The following PAM variants were observed in gnomAD, a reference collection of about 807,000 sequenced individuals.
The protein encoded by PAM is peptidylglycine alpha-amidating monooxygenase, also known as peptidyl-glycine alpha-amidating monooxygenase.
A neutral mutation model predicts 122.1 loss-of-function variants in PAM; 72 were observed. The observed-to-expected ratio is 0.59, with a 90% CI of 0.49 to 0.72. PAM has a LOEUF of 0.72. PAM is among the 30% of genes least tolerant of loss of function. PAM has a pLI of 0.00. For missense variants in PAM, 1,106 were observed against 1,183.7 expected (o/e 0.93, Z 0.96); for synonymous variants, 389 against 404.4 (o/e 0.96, Z 0.46).
At chr5:102,879,876 A>T (rs1790416537) in intron 3 of PAM, among the ~76,000 whole-genome samples, 1 of 152,150 alleles carries the variant, frequency 6.6e-6, no homozygotes, top group Non-Finnish European at 1.5e-5. Flanking sequence ...ATACCATATA[A>T]CCTAGGTGTG....
chr5:102,777,753 A>T (rs1757560262), intron 1 of PAM, among the ~76,000 whole-genome samples: 1 of 152,010 alleles, frequency 6.6e-6, no homozygotes, highest in African/African-American at 2.4e-5. Context: ...GAGGTATTTT[A>T]TTTCCCCCCA....
intron 3 of PAM, among the ~76,000 whole-genome samples, chr5:102,885,369 C>T (rs2151193675): frequency 6.6e-6 from 1 of 151,274 alleles, no homozygotes; most frequent in Non-Finnish European, 1.5e-5. Context: ...AATATTTAGC[C>T]TCCTCATTTT....
chr5:102,768,187 A>C (rs1032166338), intron 1 of PAM, among the ~76,000 whole-genome samples: 1 of 152,080 alleles, frequency 6.6e-6, no homozygotes, highest in Admixed American at 6.6e-5. Flanking sequence ...TGTCTTTTAA[A>C]AATTTTTCTA....
At chr5:103,001,354 T>TTAAA (rs1451608051) in intron 16 of PAM, among the ~76,000 whole-genome samples, 1 of 152,132 alleles carries the variant, frequency 6.6e-6, no homozygotes, top group Non-Finnish European at 1.5e-5. Flanking sequence ...ACTATGAGTA[T>TTAAA]TCTTACATTG....
intron 4 of PAM, among the ~76,000 whole-genome samples, chr5:102,910,630 G>A (rs1003074948): frequency 2.0e-5 from 3 of 151,634 alleles, no homozygotes; most frequent in Non-Finnish European, 2.9e-5. Flanking sequence ...TAATCTTACC[G>A]GATATAATAT....
At chr5:102,816,218 A>G (rs1400989034) in intron 1 of PAM, among the ~76,000 whole-genome samples, 1 of 152,148 alleles carries the variant, frequency 6.6e-6, no homozygotes, top group Non-Finnish European at 1.5e-5. Context: ...ATGTTAATCC[A>G]ATAGTTTAAG....
chr5:102,877,376 G>T (rs1789578080), intron 3 of PAM, among the ~76,000 whole-genome samples: 1 of 152,202 alleles, frequency 6.6e-6, no homozygotes, highest in Non-Finnish European at 1.5e-5. Flanking sequence ...GGAATAAAGA[G>T]AGTAATTGCA....
intron 1 of PAM, among the ~76,000 whole-genome samples, chr5:102,834,314 T>G (rs995027483): frequency 6.6e-6 from 1 of 152,198 alleles, no homozygotes; most frequent in Non-Finnish European, 1.5e-5. Flanking sequence ...ACAGGTAGCT[T>G]GTCCATGTCA....
chr5:102,815,028 C>A (rs549531246), intron 1 of PAM, among the ~76,000 whole-genome samples: 1 of 151,988 alleles, frequency 6.6e-6, no homozygotes, highest in Non-Finnish European at 1.5e-5. Flanking sequence ...TACTTTTATT[C>A]CTCTATCTTC....
chr5:102,819,969 T>C (rs1195114881), intron 1 of PAM, among the ~76,000 whole-genome samples: 1 of 152,218 alleles, frequency 6.6e-6, no homozygotes, highest in Non-Finnish European at 1.5e-5. Context: ...CATCGCATGA[T>C]ACTTTAAGTA....
Position 102,949,537 on chromosome 5 carries a change from TG to T in PAM, c.646del (p.Val216Ter). 6.8e-7 allele frequency: 1 copy of T among 1,462,434 alleles called. No individual in the cohort carries two copies. 90.6% of individuals were successfully genotyped at this position (1,462,434 alleles called of 1,614,324 possible). A position where few individuals can be genotyped will look rare whatever the true frequency, so the allele number is the denominator to read the frequency against. Reference protein sequence around the residue: ...VDTVIPAGEKVVNSDISCHYK... With the variant: ...VDTVIPAGEKXVNSDISCHYK... ...TTGTCTGTGTTTTCATTTCCCACAG[TG>T]GTGAATTCTGACATTTCATGCCATT... On this transcript the variant is annotated frameshift_variant and splice_region_variant, in exon 10 of 26. Coordinates refer to ENST00000438793, the MANE Select transcript of PAM (RefSeq NM_001177306.2). LOFTEE classifies it high-confidence loss of function.
At chr5:102,878,269 G>A (rs1489785287) in intron 3 of PAM, among the ~76,000 whole-genome samples, 1 of 152,020 alleles carries the variant, frequency 6.6e-6, no homozygotes, top group South Asian at 2.1e-4. Context: ...TTATAATGGA[G>A]CTGAAAAAGT....
At chr5:102,843,882 T>C (rs1288687278) in intron 1 of PAM, among the ~76,000 whole-genome samples, 1 of 152,120 alleles carries the variant, frequency 6.6e-6, no homozygotes, top group Non-Finnish European at 1.5e-5. Flanking sequence ...TACAGAGAAA[T>C]GGTTCACTCA....
chr5:102,840,500 A>G (rs887562478), intron 1 of PAM, among the ~76,000 whole-genome samples: 2 of 152,208 alleles, frequency 1.3e-5, no homozygotes, highest in Non-Finnish European at 2.9e-5. Flanking sequence ...TTACTGGTAT[A>G]TAGATTATGT....
intron 16 of PAM, among the ~76,000 whole-genome samples, chr5:102,999,158 T>C (rs988044254): frequency 3.3e-5 from 5 of 152,158 alleles, no homozygotes; most frequent in Non-Finnish European, 5.9e-5. Context: ...TCAATTACTT[T>C]CTACCAGGTC....
At chr5:102,896,881 G>T (rs1181011265) in intron 3 of PAM, among the ~76,000 whole-genome samples, 1 of 151,512 alleles carries the variant, frequency 6.6e-6, no homozygotes, top group Non-Finnish European at 1.5e-5. Flanking sequence ...AATCTTTTAT[G>T]CTTTGGTATA....
At chr5:102,974,716 A>T in intron 15 of PAM, 1 of 274,250 alleles carries the variant, frequency 3.6e-6, no homozygotes, top group Non-Finnish European at 6.8e-6. Flanking sequence ...GAAAGGAGGC[A>T]TATGAAATTC....
At chr5:102,988,431 T>C (rs1227814080) in intron 15 of PAM, among the ~76,000 whole-genome samples, 1 of 152,186 alleles carries the variant, frequency 6.6e-6, no homozygotes, top group Non-Finnish European at 1.5e-5. Flanking sequence ...AACATTTTAT[T>C]CTGTCATATT....
At chr5:102,803,719 T>A (rs1765492435) in intron 1 of PAM, among the ~76,000 whole-genome samples, 1 of 152,186 alleles carries the variant, frequency 6.6e-6, no homozygotes, top group African/African-American at 2.4e-5. Context: ...TTAAGCACCT[T>A]AGAAAAATAG....
Sources: allele counts gnomAD v4.1 joint callset (sites outside exome capture counted in the v4.1 genomes callset), GRCh38; gene constraint gnomAD v4.1.1; transcripts MANE v1.5; gene names NCBI Gene and HGNC (gene_info 2026-07-23, HGNC 2026-07-21).